DCC: variants seen among roughly 807,000 people sequenced by gnomAD.
DCC encodes DCC netrin 1 receptor, also known as netrin receptor DCC.
DCC carries 58 observed loss-of-function variants against 172.5 expected under a neutral mutation model. That is an observed-to-expected ratio of 0.34 (90% CI 0.27 to 0.42). The LOEUF (loss-of-function observed/expected upper bound fraction) is 0.42. Ranked by LOEUF, DCC falls within the 10% of genes least tolerant of loss-of-function variation. The probability of loss-of-function intolerance (pLI) is 1.00; values close to 1 mark genes in which losing one functional copy is unlikely to be tolerated. For synonymous variants in DCC, 709 were observed against 644.5 expected, an observed-to-expected ratio of 1.10 and a Z score of -1.52; for missense variants, 1,740 against 1,791.0, an observed-to-expected ratio of 0.97 and a Z score of 0.51.
chr18:52,765,199 AATT>A (rs1741974073), intron 2 of DCC, among the ~76,000 whole-genome samples: 2 of 120,116 alleles, frequency 1.7e-5, no homozygotes, highest in Admixed American at 8.7e-5. Context: ...ACTCCTGGCT[AATT>A]TTTTTTTTTT....
chr18:52,954,843 A>G (rs2040715859), intron 5 of DCC, among the ~76,000 whole-genome samples: 1 of 152,152 alleles, frequency 6.6e-6, no homozygotes, highest in Admixed American at 6.5e-5. Flanking sequence ...CTAAGTCATA[A>G]CTGAATACCA....
intron 5 of DCC, among the ~76,000 whole-genome samples, chr18:52,933,635 T>C (rs1251865378): frequency 2.0e-5 from 3 of 152,088 alleles, no homozygotes; most frequent in Non-Finnish European, 2.9e-5. Flanking sequence ...TTAAGGGCAG[T>C]GGAAACATAT....
rs1018598683 is a variant in DCC at position 53,531,732 on chromosome 18, C to A, written c.*1079C>A. ...AAATAAAAGGTAGCTTCTAACAGTA[C>A]CTTCTCTTAAAGAATGCCAACTCTG... is the stretch of plus-strand genomic sequence containing the variant. On this transcript the variant is annotated 3_prime_UTR_variant, in exon 29 of 29. Transcript: ENST00000442544. 2 of 152,140 alleles carry A rather than the reference C, an allele frequency of 1.3e-5. No homozygotes were observed. Among genetic ancestry groups the A allele is most frequent in the Admixed American group, 6.5e-5 (1 of 15,268 alleles). 9.4% of individuals were successfully genotyped at this position (152,140 alleles called of 1,614,324 possible). A position where few individuals can be genotyped will look rare whatever the true frequency, so the allele number is the denominator to read the frequency against.
intron 5 of DCC, among the ~76,000 whole-genome samples, chr18:52,955,479 T>C (rs2040727613): frequency 6.6e-6 from 1 of 152,122 alleles, no homozygotes; most frequent in Non-Finnish European, 1.5e-5. Flanking sequence ...TTTCCAAATT[T>C]TGGCAATTGT....
intron 25 of DCC, among the ~76,000 whole-genome samples, chr18:53,478,499 G>A (rs2045793714): frequency 6.6e-6 from 1 of 151,962 alleles, no homozygotes; most frequent in South Asian, 2.1e-4. Context: ...AGAGGTTTTT[G>A]GGCAGTATCT....
intron 1 of DCC, among the ~76,000 whole-genome samples, chr18:52,728,522 G>T (rs2036588084): frequency 6.6e-6 from 1 of 152,128 alleles, no homozygotes; most frequent in African/African-American, 2.4e-5. Flanking sequence ...ATGCTGAGAG[G>T]TAATGAAAAG....
chr18:52,571,697 T>C (rs888598084), intron 1 of DCC, among the ~76,000 whole-genome samples: 1 of 152,046 alleles, frequency 6.6e-6, no homozygotes, highest in Non-Finnish European at 1.5e-5. Flanking sequence ...GCTGAGACAG[T>C]GGAGGCTGGT....
At chr18:52,540,540 T>C (rs1406925219) in intron 1 of DCC, among the ~76,000 whole-genome samples, 4 of 151,774 alleles carry the variant, frequency 2.6e-5, no homozygotes, top group Non-Finnish European at 1.5e-5. Context: ...TCAGTATAGT[T>C]ACTGTTATTT....
intron 5 of DCC, among the ~76,000 whole-genome samples, chr18:53,039,789 C>A (rs546071569): frequency 6.6e-6 from 1 of 152,060 alleles, no homozygotes; most frequent in East Asian, 1.9e-4. Flanking sequence ...TTCTATGGAT[C>A]CTTTTCACTT....
At chr18:53,383,253 T>A (rs997324857) in intron 15 of DCC, among the ~76,000 whole-genome samples, 2 of 152,118 alleles carry the variant, frequency 1.3e-5, no homozygotes, top group Admixed American at 1.3e-4. Flanking sequence ...TAATGGGGGC[T>A]GTAAAACAGC....
intron 2 of DCC, among the ~76,000 whole-genome samples, chr18:52,779,674 T>G (rs2037497904): frequency 6.6e-6 from 1 of 152,200 alleles, no homozygotes; most frequent in Non-Finnish European, 1.5e-5. Flanking sequence ...TATCCAGTAA[T>G]GGGATTGCTG....
At chr18:52,817,751 A>G (rs2038327868) in intron 2 of DCC, among the ~76,000 whole-genome samples, 4 of 152,018 alleles carry the variant, frequency 2.6e-5, no homozygotes, top group African/African-American at 9.7e-5. Flanking sequence ...AAACTTGGAT[A>G]TTTTCTTTAG....
At chr18:52,811,215 G>A (rs569148300) in intron 2 of DCC, among the ~76,000 whole-genome samples, 22 of 152,202 alleles carry the variant, frequency 1.4e-4, no homozygotes, top group South Asian at 6.2e-4. Flanking sequence ...TGTCATTATC[G>A]TCTTTCACAG....
chr18:53,356,569 AT>A (rs1421522953), intron 15 of DCC, among the ~76,000 whole-genome samples: 1 of 152,110 alleles, frequency 6.6e-6, no homozygotes, highest in Non-Finnish European at 1.5e-5. Context: ...GAGTACCCAA[AT>A]TTCTATGAGT....
chr18:52,346,343 T>A (rs535633207), intron 1 of DCC, among the ~76,000 whole-genome samples: 19 of 152,350 alleles, frequency 1.2e-4, no homozygotes, highest in African/African-American at 3.6e-4. Flanking sequence ...CACTCTAGAA[T>A]GTTAATTCCT....
At chr18:53,078,800 C>T (rs1022060963) in intron 7 of DCC, among the ~76,000 whole-genome samples, 2 of 152,028 alleles carry the variant, frequency 1.3e-5, no homozygotes, top group African/African-American at 2.4e-5. Context: ...TAAATTTTTT[C>T]ATCTAGATGA....
intron 1 of DCC, among the ~76,000 whole-genome samples, chr18:52,749,839 C>A (rs1025608868): frequency 6.6e-6 from 1 of 152,180 alleles, no homozygotes; most frequent in African/African-American, 2.4e-5. Flanking sequence ...AACAAAAAAG[C>A]AATACATGCT....
At chr18:52,346,059 A>G (rs1159075868) in intron 1 of DCC, among the ~76,000 whole-genome samples, 1 of 152,210 alleles carries the variant, frequency 6.6e-6, no homozygotes, top group African/African-American at 2.4e-5. Flanking sequence ...TAATATCATA[A>G]TATCAGTAGC....
intron 9 of DCC, 122 bp downstream of exon 9, chr18:53,179,238 A>C: frequency 1.0e-6 from 1 of 971,182 alleles, no homozygotes; most frequent in South Asian, 1.4e-5. Flanking sequence ...TTTTCTTCTA[A>C]GTAAACTTAT....
Sources: gnomAD v4.1 joint callset for allele counts (sites outside exome capture counted in the v4.1 genomes callset) on GRCh38, gnomAD v4.1.1 for gene constraint, MANE v1.5 for transcripts, NCBI Gene and HGNC (gene_info 2026-07-23, HGNC 2026-07-21) for gene names.